The following PTBP3 variants were observed in gnomAD, a reference collection of about 807,000 sequenced individuals.
PTBP3 encodes the protein polypyrimidine tract-binding protein 3.
PTBP3 carries 20 observed loss-of-function variants against 58.7 expected under a neutral mutation model. The ratio of observed to expected loss-of-function variants is 0.34; its 90% CI spans 0.24 to 0.50. The LOEUF is 0.50. PTBP3 is among the 20% of genes least tolerant of loss of function. PTBP3 has a pLI of 0.98. For synonymous variants in PTBP3, 185 were observed against 219.8 expected (o/e 0.84, Z 1.40); for missense variants, 509 against 637.2 (o/e 0.80, Z 2.17).
intron 1 of PTBP3, among the ~76,000 whole-genome samples, chr9:112,312,488 G>GGTT (rs1564455574): frequency 2.2e-4 from 17 of 75,926 alleles, no homozygotes; most frequent in African/African-American, 8.9e-4. Context: ...TTTTTTTTTT[G>GGTT]TTTTTTTTTT....
At position 112,228,412 on chromosome 9, in the gene PTBP3, A is replaced by G; in HGVS notation, c.1115T>C (p.Val372Ala). ...IMFNKKENAL[V>A]QMADANQAQL... ...AGCTTGATTTGCATCCGCCATCTGA[A>G]CCAAGGCATTTTCTTTCTTATTAAA... Residue 372 changes from valine to alanine, a missense_variant, in exon 11 of 14, where the codon GTT becomes GCT. Physicochemically the swap from Val to Ala is moderately conservative, Grantham distance 64. This residue lies in a region of PTBP3 where 135 missense variants were observed against 229.0 expected (regional missense o/e 0.59). Transcript: ENST00000374257. The G allele has an allele frequency of 6.2e-7, 1 of 1,608,044 alleles. No individual in the cohort carries two copies. The highest frequency in any genetic ancestry group is 8.5e-7 in the Non-Finnish European group (1 of 1,178,318).
intron 1 of PTBP3, among the ~76,000 whole-genome samples, chr9:112,304,294 T>C (rs1036594672): frequency 1.3e-5 from 2 of 152,218 alleles, no homozygotes; most frequent in Admixed American, 6.5e-5. Context: ...TATCTGCCTA[T>C]GCATTTGAAT....
Position 112,262,439 on chromosome 9 carries a change from T to C in PTBP3, c.512A>G (p.His171Arg), listed in dbSNP as rs1836636462. The C allele has an allele frequency of 6.3e-7, 1 of 1,595,398 alleles. No individual in the cohort carries two copies. Among genetic ancestry groups the C allele is most frequent in the Non-Finnish European group, 8.5e-7 (1 of 1,173,638 alleles). Residue 171 changes from histidine to arginine, a missense_variant, in exon 5 of 14, where the codon CAT (histidine) becomes CGT (arginine). Transcript: ENST00000374257. The stretch of plus-strand genomic sequence containing the variant: ...AGGGTATTTATTCCTCCTTACCTGA[T>C]GAAGAACTTCCAGGGTAACAGGGTA... ...LFYPVTLEVL[H>R]QIFSKFGTVL...
At chr9:112,344,470 T>C in the PTBP3 span, among the ~76,000 whole-genome samples, 4 of 152,302 alleles carry the variant, frequency 2.6e-5, no homozygotes, top group South Asian at 8.3e-4. Flanking sequence ...TTCCTTCCCT[T>C]TTCTGCCATG....
chr9:112,256,721 C>T (rs559519698), intron 5 of PTBP3, among the ~76,000 whole-genome samples: 5 of 152,132 alleles, frequency 3.3e-5, no homozygotes, highest in African/African-American at 1.2e-4. Context: ...TGGGGTCTCG[C>T]TACCTTACCC....
intron 1 of PTBP3, among the ~76,000 whole-genome samples, chr9:112,327,725 T>C (rs1050442900): frequency 1.3e-5 from 2 of 152,024 alleles, no homozygotes; most frequent in African/African-American, 4.8e-5. Context: ...TGAAAAATGT[T>C]ACCTGTCTTC....
chr9:112,354,534 A>G, the PTBP3 span, among the ~76,000 whole-genome samples: 2 of 152,238 alleles, frequency 1.3e-5, no homozygotes, highest in Non-Finnish European at 2.9e-5. Flanking sequence ...GATTACTTGT[A>G]TCAGAGGATA....
intron 11 of PTBP3, 110 bp from the exon 12 acceptor site, chr9:112,227,737 A>G: frequency 1.2e-6 from 1 of 860,310 alleles, no homozygotes; most frequent in Non-Finnish European, 1.8e-6. Context: ...AAACTGTATT[A>G]TCAGTTTGAG....
chr9:112,333,301 G>C (rs535559709), intron 1 of PTBP3, among the ~76,000 whole-genome samples, 169 bp downstream of exon 1: 1 of 151,866 alleles, frequency 6.6e-6, no homozygotes, highest in African/African-American at 2.4e-5. Context: ...CCGCGATTCC[G>C]GGATCCCCAC....
intron 1 of PTBP3, among the ~76,000 whole-genome samples, chr9:112,300,988 CAATAAATA>C (rs57448585): frequency 6.6e-5 from 10 of 151,408 alleles, no homozygotes; most frequent in East Asian, 1.9e-4. Flanking sequence ...GCACGAATGG[CAATAAATA>C]AATAAATAAA....
intron 7 of PTBP3, among the ~76,000 whole-genome samples, chr9:112,237,896 C>G (rs541682628): frequency 6.6e-6 from 1 of 152,290 alleles, no homozygotes; most frequent in African/African-American, 2.4e-5. Flanking sequence ...CAAAAGGAAG[C>G]TTTCACAAAA....
rs561325174 is a variant in PTBP3 at position 112,246,276 on chromosome 9, C to T, written c.802+4653G>A. Among the ~76,000 whole-genome samples, 3 of 152,024 alleles carry T rather than the reference C, an allele frequency of 2.0e-5. No homozygotes were observed. In the South Asian group the frequency reaches 6.2e-4, roughly 32 times the overall value. Reference sequence around the variant, plus strand: ...GAGATTACAGATGTAAGCCACCGCACCCAGCCAAGAAAAACATTCTTTATA... The same window carrying T: ...GAGATTACAGATGTAAGCCACCGCATCCAGCCAAGAAAAACATTCTTTATA... On this transcript the variant is annotated intron_variant, in intron 7 of 13. Coordinates refer to ENST00000374257, the MANE Select transcript of PTBP3 (RefSeq NM_001163788.4).
At chr9:112,283,566 A>G (rs1338868342) in intron 2 of PTBP3, among the ~76,000 whole-genome samples, 1 of 152,234 alleles carries the variant, frequency 6.6e-6, no homozygotes, top group Non-Finnish European at 1.5e-5. Flanking sequence ...TAGGTGATAG[A>G]GCATAAAGGT....
chr9:112,312,314 A>G (rs1263717540), intron 1 of PTBP3, among the ~76,000 whole-genome samples: 1 of 151,884 alleles, frequency 6.6e-6, no homozygotes, highest in Non-Finnish European at 1.5e-5. Flanking sequence ...GAGACCCTGT[A>G]TCTACAAAAC....
intron 1 of PTBP3, among the ~76,000 whole-genome samples, chr9:112,322,349 GA>G (rs930309114): frequency 3.9e-5 from 6 of 152,006 alleles, no homozygotes; most frequent in Non-Finnish European, 8.8e-5. Flanking sequence ...ACCTAAGGGG[GA>G]AAAAAACTGT....
the PTBP3 span, among the ~76,000 whole-genome samples, chr9:112,371,144 C>G: frequency 1.3e-5 from 2 of 152,126 alleles, no homozygotes; most frequent in African/African-American, 2.4e-5. Flanking sequence ...CTATTGCCCC[C>G]AGTACAATGT....
chr9:112,272,803 T>C (rs1827445685), intron 3 of PTBP3: 2 of 152,130 alleles, frequency 1.3e-5, no homozygotes, highest in African/African-American at 4.8e-5. Flanking sequence ...ACTCAAGCAA[T>C]CCTTGAGGCA....
rs1435381465 is a variant in PTBP3, at chr9:112,219,884, A to C, written c.*3967T>G. On this transcript the variant is annotated 3_prime_UTR_variant, in exon 14 of 14. Coordinates refer to ENST00000374257, the MANE Select transcript of PTBP3 (RefSeq NM_001163788.4). Reference sequence around the variant, plus strand: ...AAACCACTCACAACTAGCTGTTAAAATTTGCTCTGAAAAAAGACTGCTAAT... The same window carrying C: ...AAACCACTCACAACTAGCTGTTAAACTTTGCTCTGAAAAAAGACTGCTAAT... The C allele has an allele frequency of 5.6e-6, 1 of 179,962 alleles. No individual in the cohort carries two copies. Among genetic ancestry groups the C allele is most frequent in the African/African-American group, 2.4e-5 (1 of 41,926 alleles). The allele number at this position is 179,962 out of a possible 1,614,324, so 11.1% of individuals were successfully genotyped here. A position where few individuals can be genotyped will look rare whatever the true frequency, so the allele number is the denominator to read the frequency against.
At chr9:112,240,769 A>C (rs1176016371) in intron 7 of PTBP3, among the ~76,000 whole-genome samples, 1 of 152,096 alleles carries the variant, frequency 6.6e-6, no homozygotes, top group African/African-American at 2.4e-5. Flanking sequence ...ACTGTCCCTG[A>C]AGACCTTCCA....
Sources: gnomAD v4.1 joint callset for allele counts (sites outside exome capture counted in the v4.1 genomes callset) on GRCh38, gnomAD v4.1.1 for gene constraint, gnomAD v4.1.1 regional missense constraint, MANE v1.5 for transcripts, NCBI Gene and HGNC (gene_info 2026-07-23, HGNC 2026-07-21) for gene names.